MAP3K14: variants seen among roughly 807,000 people sequenced by gnomAD.
The protein encoded by MAP3K14 is mitogen-activated protein kinase kinase kinase 14, also known as NF-kappa-beta-inducing kinase.
Under a neutral mutation model 99.2 loss-of-function variants are expected in MAP3K14, and 16 were observed. That is an observed-to-expected ratio of 0.16 (90% CI 0.11 to 0.24). MAP3K14 has a LOEUF of 0.24. MAP3K14 is among the 10% of genes least tolerant of loss of function. The pLI, the probability that MAP3K14 is intolerant of heterozygous loss-of-function variation, is 1.00. For synonymous variants in MAP3K14, 462 were observed against 492.4 expected (o/e 0.94, Z 0.82); for missense variants, 784 against 1,208.7 (o/e 0.65, Z 5.21).
In MAP3K14 at chr17:45,275,422, C is replaced by T. The variant is rs554415513; in HGVS notation, c.1291-829G>A. Among the ~76,000 whole-genome samples the T allele has an allele frequency of 6.0e-5, 9 of 149,062 alleles. No individual in the cohort carries two copies. The East Asian group carries it at 1.2e-3, about 20-fold the overall frequency. ...GTCGGAGGTTGCAATGAGCCAAGGT[C>T]GCAATAAGCCGAGGTCGCACCACTG... On this transcript the variant is annotated intron_variant, in intron 6 of 15. Coordinates refer to ENST00000344686, the MANE Select transcript of MAP3K14 (RefSeq NM_003954.5).
At chr17:45,266,189 C>T (rs749335525) in intron 14 of MAP3K14, 3 of 212,504 alleles carry the variant, frequency 1.4e-5, no homozygotes, top group African/African-American at 2.3e-5. Context: ...GATTAAAATG[C>T]TCATGGGTCC....
Position 45,287,198 on chromosome 17 carries a change from G to A in MAP3K14, c.493C>T (p.Leu165Phe), listed in dbSNP as rs756661846. Residue 165 changes from leucine (L) to phenylalanine (F), a missense_variant, in exon 4 of 16, where the codon CTC becomes TTC. Physicochemically the swap from Leu to Phe is conservative, Grantham distance 22 (BLOSUM62 0). Transcript: ENST00000344686. Reference sequence around the variant, plus strand: ...CTCTCCTGCTCAGGGGTCCTGGGGAGGGGTTTGGCCAAGGCCACTCCTGCA... The same window carrying A: ...CTCTCCTGCTCAGGGGTCCTGGGGAAGGGTTTGGCCAAGGCCACTCCTGCA... ...AHAGVALAKP[L>F]PRTPEQESCT... The A allele has an allele frequency of 6.2e-7, 1 of 1,613,972 alleles. No homozygotes were observed. The highest frequency in any genetic ancestry group is 1.1e-5 in the South Asian group (1 of 91,072).
At chr17:45,315,279 T>C (rs576306897) in intron 1 of MAP3K14, among the ~76,000 whole-genome samples, 2 of 151,432 alleles carry the variant, frequency 1.3e-5, no homozygotes, top group South Asian at 4.2e-4. Flanking sequence ...ACAATACCAA[T>C]GACAAAAAAC....
At chr17:45,281,263 A>T (rs1016367033) in intron 6 of MAP3K14, among the ~76,000 whole-genome samples, 15 of 150,234 alleles carry the variant, frequency 1.0e-4, no homozygotes, top group African/African-American at 3.7e-4. Flanking sequence ...TGCCTGGCTA[A>T]TTTTTTTTCT....
chr17:45,271,219 C>A lies in MAP3K14; in HGVS notation c.1660G>T (p.Asp554Tyr), dbSNP rs770924893. ...TGGGTCTCTGTGCCAGGGATGTAGTCCCCTGAGAAGGGGGATGAGACATAA... is the reference window on the plus strand; with the variant it reads ...TGGGTCTCTGTGCCAGGGATGTAGTACCCTGAGAAGGGGGATGAGACATAA... ...DGLGKSLLTG[D>Y]YIPGTETHMA... Residue 554 changes from aspartate to tyrosine, a missense_variant and splice_region_variant, in exon 10 of 16, where the codon GAC (aspartate) becomes TAC (tyrosine). Asp to Tyr is a radical substitution (Grantham distance 160, BLOSUM62 -3). Transcript: ENST00000344686. The A allele has an allele frequency of 1.2e-4, 186 of 1,604,540 alleles. No homozygotes were observed. The highest frequency in any genetic ancestry group is 2.7e-5 in the African/African-American group (2 of 74,290).
intron 1 of MAP3K14, among the ~76,000 whole-genome samples, chr17:45,311,689 T>C (rs1345172206): frequency 6.6e-6 from 1 of 152,186 alleles, no homozygotes; most frequent in Admixed American, 6.5e-5. Flanking sequence ...ATCCAGGGTT[T>C]AATCTAGCCT....
At position 45,267,193 on chromosome 17, in the gene MAP3K14, A is replaced by G. The variant is rs1207029380; in HGVS notation, c.2332T>C (p.Phe778Leu). ...AATGGCTGGGACAGGCTGTTGAGGA[A>G]TAATTCTGCAGGGAAAAGTGGAAGA... is the stretch of plus-strand genomic sequence containing the variant. Reference protein sequence around the residue: ...QELQQLEIELFLNSLSQPFSL... With the variant: ...QELQQLEIELLLNSLSQPFSL... Residue 778 changes from phenylalanine to leucine, a missense_variant, in exon 13 of 16, where the codon TTC becomes CTC. Physicochemically the swap from Phe to Leu is conservative, Grantham distance 22. This residue lies in a region of MAP3K14 where 128 missense variants were observed against 143.3 expected (regional missense o/e 0.89). Transcript: ENST00000344686. This position sits in a 1 kb window ranked among gnomAD's most constrained non-coding sequence, Gnocchi z 5.1. 2 of 1,587,082 alleles carry G rather than the reference A, an allele frequency of 1.3e-6. No homozygotes were observed. Among genetic ancestry groups the G allele is most frequent in the African/African-American group, 2.7e-5 (2 of 74,480 alleles).
rs755535038 is a variant in MAP3K14, at chr17:45,266,654, G to A, written c.2461C>T (p.Arg821Trp). The A allele has an allele frequency of 6.8e-6, 11 of 1,612,512 alleles. No homozygotes were observed. Among genetic ancestry groups the A allele is most frequent in the Middle Eastern group, 1.6e-4 (1 of 6,082 alleles). Reference protein sequence around the residue: ...KNPSKASQSSRDTLSSGVHSW... With the variant: ...KNPSKASQSSWDTLSSGVHSW... ...TGTACGCCTGAGCTCAGGGTGTCCC[G>A]CGAGCTTTGAGAGGCCTTTGATGGG... The change falls in exon 14 of 16, where the codon CGG becomes TGG. Residue 821 changes from arginine (R) to tryptophan (W), a missense_variant. Around this residue, in one of 5 missense-constraint regions of MAP3K14, gnomAD observed 130 missense variants for 220.4 expected, o/e 0.59. Coordinates refer to ENST00000344686, the MANE Select transcript of MAP3K14 (RefSeq NM_003954.5).
chr17:45,274,407 C>T (rs57243391), intron 7 of MAP3K14, 57 bp downstream of exon 7: 1 of 1,605,680 alleles, frequency 6.2e-7, no homozygotes, highest in Non-Finnish European at 8.5e-7. Context: ...TTGGGCAAGA[C>T]TCAGGGGGGA....
At chr17:45,277,481 T>C (rs949011071) in intron 6 of MAP3K14, among the ~76,000 whole-genome samples, 1 of 152,116 alleles carries the variant, frequency 6.6e-6, no homozygotes, top group Non-Finnish European at 1.5e-5. Flanking sequence ...TGCCTATCAG[T>C]GGAAAATGTC....
chr17:45,285,896 G>C (rs1285238146), intron 5 of MAP3K14, among the ~76,000 whole-genome samples: 1 of 150,764 alleles, frequency 6.6e-6, no homozygotes, highest in Non-Finnish European at 1.5e-5. Flanking sequence ...AGGCTGTAGT[G>C]AGCTATGATT....
At chr17:45,294,139 T>G (rs1211161866) in intron 1 of MAP3K14, among the ~76,000 whole-genome samples, 3 of 152,250 alleles carry the variant, frequency 2.0e-5, no homozygotes, top group Non-Finnish European at 1.5e-5. Flanking sequence ...CTCAGCTTAT[T>G]CACGCCCCAA....
chr17:45,276,640 T>A (rs2044182248), intron 6 of MAP3K14, among the ~76,000 whole-genome samples: 1 of 151,504 alleles, frequency 6.6e-6, no homozygotes, highest in East Asian at 1.9e-4. Context: ...GCCTCCCCAG[T>A]AGCTGGGATT....
Position 45,286,766 on chromosome 17 carries a change from G to T in MAP3K14, c.817C>A (p.Gln273Lys). The change falls in exon 5 of 16, where the codon CAG (glutamine) becomes AAG (lysine). Residue 273 changes from glutamine (Q) to lysine (K), a missense_variant. Physicochemically the swap from Gln to Lys is moderately conservative, Grantham distance 53. Coordinates refer to ENST00000344686, the MANE Select transcript of MAP3K14 (RefSeq NM_003954.5). The surrounding 1 kb of genome is among the most constrained non-coding windows in gnomAD (Gnocchi z 4.1). ...LPHPFPFHPL[Q>K]PWKPHPLESF... is the part of the protein sequence containing the mutation. ...TCCAGAGGGTGAGGTTTCCAGGGCT[G>T]GAGAGGGTGGAATGGGAAGGGATGA... 1 of 1,612,642 alleles carries T rather than the reference G, an allele frequency of 6.2e-7. No homozygotes were observed. Among genetic ancestry groups the T allele is most frequent in the African/African-American group, 1.3e-5 (1 of 75,022 alleles).
Position 45,267,401 on chromosome 17 carries a change from C to T in MAP3K14, c.2326+5G>A, listed in dbSNP as rs1257808280. On this transcript the variant is annotated splice_donor_5th_base_variant and intron_variant, in intron 12 of 15. Coordinates refer to ENST00000344686, the MANE Select transcript of MAP3K14 (RefSeq NM_003954.5). This position sits in a 1 kb window ranked among gnomAD's most constrained non-coding sequence, Gnocchi z 5.1. ...GGGCCCCACTGCAGCCACGGCTGCCCGTACCTATTTCCAGCTGCTGCAGTT... is the reference window on the plus strand; with the variant it reads ...GGGCCCCACTGCAGCCACGGCTGCCTGTACCTATTTCCAGCTGCTGCAGTT... 1.3e-5 allele frequency: 21 copies of T among 1,580,658 alleles called. No homozygotes were observed. Among genetic ancestry groups the T allele is most frequent in the East Asian group, 6.9e-5 (3 of 43,392 alleles).
intron 1 of MAP3K14, among the ~76,000 whole-genome samples, chr17:45,302,075 C>G (rs1282956919): frequency 6.6e-6 from 1 of 151,970 alleles, no homozygotes. Context: ...ATGAGATTCA[C>G]CTGCTTCAGC....
At chr17:45,297,716 C>CT (rs34809589) in intron 1 of MAP3K14, among the ~76,000 whole-genome samples, 4,033 of 110,896 alleles carry the variant, frequency 0.036, 207 homozygotes, top group African/African-American at 0.1. Flanking sequence ...TGGTTTAAAT[C>CT]TTTTTTTTTT....
At chr17:45,290,026 G>T (rs900240490) in intron 2 of MAP3K14, among the ~76,000 whole-genome samples, 3 of 152,212 alleles carry the variant, frequency 2.0e-5, no homozygotes, top group Admixed American at 2.0e-4. Context: ...GCAGCCTGCC[G>T]CCCCAGGACT....
intron 1 of MAP3K14, among the ~76,000 whole-genome samples, chr17:45,312,924 A>T (rs1568005136): frequency 6.6e-6 from 1 of 152,202 alleles, no homozygotes; most frequent in Non-Finnish European, 1.5e-5. Flanking sequence ...CATGCCATAC[A>T]GTATTTTCCC....
Sources: allele counts gnomAD v4.1 joint callset (sites outside exome capture counted in the v4.1 genomes callset), GRCh38; gene constraint gnomAD v4.1.1; regional missense constraint gnomAD v4.1.1; non-coding constraint Gnocchi (gnomAD v3.1); transcripts MANE v1.5; gene names NCBI Gene and HGNC (gene_info 2026-07-23, HGNC 2026-07-21).